SNX29: variants seen among roughly 807,000 people sequenced by gnomAD.
SNX29 encodes sorting nexin-29.
In SNX29, 78 loss-of-function variants were observed where a neutral mutation model predicts 102.1. The ratio of observed to expected loss-of-function variants is 0.76; its 90% CI spans 0.64 to 0.92. The LOEUF (loss-of-function observed/expected upper bound fraction) is 0.92. Among genes scored for constraint, SNX29 ranks in the 40% least tolerant of loss-of-function variants. The pLI, the probability that SNX29 is intolerant of heterozygous loss-of-function variation, is 0.00. For synonymous variants in SNX29, 580 were observed against 414.5 expected, an observed-to-expected ratio of 1.40 and a Z score of -4.85; for missense variants, 1,280 against 1,061.7, an observed-to-expected ratio of 1.21 and a Z score of -2.86.
At position 12,378,218 on chromosome 16, in the gene SNX29, A is replaced by G. The variant is rs115523354; in HGVS notation, c.1900-20228A>G. 5.7e-3 allele frequency among the ~76,000 whole-genome samples: 872 copies of G among 152,280 alleles called. 5 individuals are homozygous for G. The highest frequency in any genetic ancestry group is 0.02 in the African/African-American group (831 of 41,556). On this transcript the variant is annotated intron_variant, in intron 16 of 20. Transcript: ENST00000566228. ...ATGACTGGAAAGTTCAAGATTGGGT[A>G]TCTGCATCTGGTGAGGGTGTTTCCA...
intron 15 of SNX29, among the ~76,000 whole-genome samples, chr16:12,305,617 A>G (rs2080313996): frequency 6.6e-6 from 1 of 152,218 alleles, no homozygotes; most frequent in African/African-American, 2.4e-5. Flanking sequence ...ATTAATTTTG[A>G]TATTTCAAAA....
At chr16:12,166,026 G>T (rs141918882) in intron 13 of SNX29, among the ~76,000 whole-genome samples, 16 of 152,336 alleles carry the variant, frequency 1.1e-4, no homozygotes, top group Admixed American at 2.0e-4. Context: ...TTATCCTGGT[G>T]TTTAATGCAT....
intron 19 of SNX29, among the ~76,000 whole-genome samples, chr16:12,516,718 C>G (rs1011167808): frequency 1.3e-5 from 2 of 152,154 alleles, no homozygotes; most frequent in African/African-American, 4.8e-5. Context: ...AGAAAAAGAA[C>G]TTTGGAAATG....
intron 14 of SNX29, among the ~76,000 whole-genome samples, chr16:12,258,159 C>T (rs1450973863): frequency 6.6e-6 from 1 of 152,140 alleles, no homozygotes; most frequent in Non-Finnish European, 1.5e-5. Context: ...TGATGAAAGG[C>T]CTCCAACAGC....
intron 15 of SNX29, among the ~76,000 whole-genome samples, chr16:12,351,778 T>C (rs1227341390): frequency 2.0e-5 from 3 of 152,182 alleles, no homozygotes; most frequent in African/African-American, 4.8e-5. Flanking sequence ...AATGTCACTT[T>C]CTTGGTGGTG....
At chr16:11,989,972 T>A (rs1245444619) in intron 1 of SNX29, among the ~76,000 whole-genome samples, 3 of 152,252 alleles carry the variant, frequency 2.0e-5, no homozygotes, top group Admixed American at 2.0e-4. Flanking sequence ...GTGAGCCTGG[T>A]TTTGTGGAGG....
chr16:12,378,552 G>C (rs773291143), intron 16 of SNX29, among the ~76,000 whole-genome samples: 1 of 152,208 alleles, frequency 6.6e-6, no homozygotes, highest in African/African-American at 2.4e-5. Context: ...AAGAGGGTGA[G>C]TCAGGAGAAT....
intron 16 of SNX29, among the ~76,000 whole-genome samples, chr16:12,369,381 C>G (rs1031099384): frequency 6.6e-6 from 1 of 152,086 alleles, no homozygotes; most frequent in African/African-American, 2.4e-5. Flanking sequence ...AGTGATCGAC[C>G]CACCTTGGCC....
At chr16:12,517,316 T>G (rs1031620186) in intron 19 of SNX29, among the ~76,000 whole-genome samples, 1 of 152,206 alleles carries the variant, frequency 6.6e-6, no homozygotes, top group Non-Finnish European at 1.5e-5. Flanking sequence ...TGGACATTCC[T>G]CAGGGGGTCA....
chr16:12,022,045 A>G (rs1282631179), intron 3 of SNX29, among the ~76,000 whole-genome samples: 1 of 149,012 alleles, frequency 6.7e-6, no homozygotes, highest in Non-Finnish European at 1.5e-5. Flanking sequence ...TCCATTCACA[A>G]CTCTTTTGCT....
intron 19 of SNX29, among the ~76,000 whole-genome samples, chr16:12,503,194 CCTCA>C (rs1003893134): frequency 2.6e-5 from 4 of 152,142 alleles, no homozygotes; most frequent in African/African-American, 9.7e-5. Flanking sequence ...CTCTGAGCTG[CCTCA>C]CTCCTTCCAG....
Position 12,572,126 on chromosome 16 carries a change from T to C in SNX29, c.*3497T>C, listed in dbSNP as rs1281632030. On this transcript the variant is annotated 3_prime_UTR_variant, in exon 21 of 21. Transcript: ENST00000566228. ...TGGGTCTGATCACAGCCCTTGGCCC[T>C]GCTTCATACTTTGGAGCTTATTAAG... 1 of 1,027,412 alleles carries C rather than the reference T, an allele frequency of 9.7e-7. No homozygotes were observed. The highest frequency in any genetic ancestry group is 4.7e-5 in the South Asian group (1 of 21,208). The allele number at this position is 1,027,412 out of a possible 1,614,324, so 63.6% of individuals were successfully genotyped here. A position where few individuals can be genotyped will look rare whatever the true frequency, so the allele number is the denominator to read the frequency against.
chr16:12,476,998 C>G (rs1460971276), intron 18 of SNX29, among the ~76,000 whole-genome samples: 3 of 152,128 alleles, frequency 2.0e-5, no homozygotes, highest in African/African-American at 7.2e-5. Flanking sequence ...GGATTGATGT[C>G]TCTCCTGCTT....
chr16:12,072,652 G>A (rs998623988), intron 10 of SNX29, among the ~76,000 whole-genome samples: 1 of 152,080 alleles, frequency 6.6e-6, no homozygotes, highest in African/African-American at 2.4e-5. Flanking sequence ...GTCTCTGCCC[G>A]GCTTTGGTAT....
At chr16:12,447,577 C>T (rs867933242) in intron 18 of SNX29, among the ~76,000 whole-genome samples, 1 of 152,232 alleles carries the variant, frequency 6.6e-6, no homozygotes, top group East Asian at 1.9e-4. Flanking sequence ...GCAGCCTGTT[C>T]TCCTAGGTCT....
rs185155714 is a variant in SNX29, at chr16:12,159,825, G to T, written c.1595+30067G>T. 6.6e-5 allele frequency among the ~76,000 whole-genome samples: 10 copies of T among 152,324 alleles called. No homozygotes were observed. In the East Asian group the frequency reaches 1.5e-3, roughly 24 times the overall value. ...TGAACACTTAAGAGAGGGACAGGAA[G>T]TACAAGGTCCTTTGCTGCTACTCCC... On this transcript the variant is annotated intron_variant, in intron 13 of 20. Transcript: ENST00000566228.
chr16:12,041,514 C>G (rs1423163986), intron 4 of SNX29, among the ~76,000 whole-genome samples: 1 of 152,222 alleles, frequency 6.6e-6, no homozygotes, highest in Non-Finnish European at 1.5e-5. Flanking sequence ...TCAGAAGTCC[C>G]CAATCAGTTT....
chr16:12,004,703 T>G (rs1046630829), intron 3 of SNX29, among the ~76,000 whole-genome samples: 52 of 152,318 alleles, frequency 3.4e-4, no homozygotes, highest in African/African-American at 1.2e-3. Context: ...CTTGTTCTTT[T>G]GTAGAATTTT....
At chr16:12,526,439 A>C in intron 20 of SNX29, 4 of 411,774 alleles carry the variant, frequency 9.7e-6, no homozygotes, top group South Asian at 7.8e-5. Context: ...TTTTTGTGAG[A>C]AGACATTATA....
Sources: gnomAD v4.1 joint callset for allele counts (sites outside exome capture counted in the v4.1 genomes callset) on GRCh38, gnomAD v4.1.1 for gene constraint, MANE v1.5 for transcripts, NCBI Gene and HGNC (gene_info 2026-07-23, HGNC 2026-07-21) for gene names.